ZNF618: variants seen among roughly 807,000 people sequenced by gnomAD.
ZNF618 encodes the protein zinc finger protein 618, also known as neural precursor cell expressed, developmentally down-regulated 10.
In ZNF618, 34 loss-of-function variants were observed where a neutral mutation model predicts 103.0. The observed-to-expected ratio is 0.33, with a 90% CI of 0.25 to 0.44. The LOEUF (loss-of-function observed/expected upper bound fraction) is 0.44, where lower values mean the gene tolerates loss of function less well. Ranked by LOEUF, ZNF618 falls within the 20% of genes least tolerant of loss-of-function variation. ZNF618 has a pLI of 1.00. For synonymous variants in ZNF618, 551 were observed against 542.2 expected (o/e 1.02, Z -0.23); for missense variants, 1,059 against 1,295.4 (o/e 0.82, Z 2.80).
At chr9:113,923,272 A>G (rs1588053055) in intron 1 of ZNF618, among the ~76,000 whole-genome samples, 1 of 152,158 alleles carries the variant, frequency 6.6e-6, no homozygotes. Context: ...TACAATCTGT[A>G]TACCTTTTAT....
At chr9:114,010,921 C>T (rs1299973403) in intron 9 of ZNF618, among the ~76,000 whole-genome samples, 5 of 152,148 alleles carry the variant, frequency 3.3e-5, no homozygotes, top group Admixed American at 1.3e-4. Context: ...TTGTCACCAG[C>T]TTACTAGCTC....
chr9:113,930,151 C>A (rs1833444638), intron 1 of ZNF618, among the ~76,000 whole-genome samples: 1 of 152,100 alleles, frequency 6.6e-6, no homozygotes, highest in South Asian at 2.1e-4. Flanking sequence ...GGTTCTGAAG[C>A]CAAAACATGG....
At chr9:113,916,238 A>G (rs1832067107) in intron 1 of ZNF618, among the ~76,000 whole-genome samples, 1 of 152,084 alleles carries the variant, frequency 6.6e-6, no homozygotes, top group Non-Finnish European at 1.5e-5. Context: ...AGAAAATATG[A>G]CCGTGTTATA....
At chr9:113,958,321 C>T (rs1447982041) in intron 1 of ZNF618, among the ~76,000 whole-genome samples, 2 of 152,168 alleles carry the variant, frequency 1.3e-5, no homozygotes, top group African/African-American at 2.4e-5. Flanking sequence ...CACATGGGGA[C>T]TGGTGACATC....
chr9:113,941,331 TGGGG>T (rs900314635), intron 1 of ZNF618, among the ~76,000 whole-genome samples: 3 of 152,204 alleles, frequency 2.0e-5, no homozygotes, highest in Non-Finnish European at 4.4e-5. Context: ...GCATTGTTTT[TGGGG>T]GTTATGTAAG....
At chr9:113,906,224 G>A (rs1328566419) in intron 1 of ZNF618, among the ~76,000 whole-genome samples, 2 of 152,098 alleles carry the variant, frequency 1.3e-5, no homozygotes, top group African/African-American at 2.4e-5. Flanking sequence ...TCAAGGCTGC[G>A]CTGTTTTATA....
intron 1 of ZNF618, among the ~76,000 whole-genome samples, chr9:113,946,149 C>T (rs994015013): frequency 1.3e-5 from 2 of 152,204 alleles, no homozygotes; most frequent in African/African-American, 4.8e-5. Flanking sequence ...ATGGTCTTGG[C>T]GCTCTGCGGA....
chr9:113,942,235 G>A (rs1034132356), intron 1 of ZNF618, among the ~76,000 whole-genome samples: 1 of 151,778 alleles, frequency 6.6e-6, no homozygotes, highest in African/African-American at 2.4e-5. Context: ...AGGTTTTTAG[G>A]TAATAGTTCT....
rs561570977 is a variant in ZNF618, at chr9:114,052,444, G to C, written c.*2277G>C. 6.6e-6 allele frequency: 1 copy of C among 152,662 alleles called. No individual in the cohort carries two copies. Among genetic ancestry groups the C allele is most frequent in the African/African-American group, 2.4e-5 (1 of 41,446 alleles). The allele number at this position is 152,662 out of a possible 1,614,324, so 9.5% of individuals were successfully genotyped here. A position where few individuals can be genotyped will look rare whatever the true frequency, so the allele number is the denominator to read the frequency against. ...AGAGCCGCCATCCACACTGGAGCAG[G>C]AACAGGGAGAAATCCAGACAGGAAC... On this transcript the variant is annotated 3_prime_UTR_variant, in exon 15 of 15. Coordinates refer to ENST00000374126, the MANE Select transcript of ZNF618 (RefSeq NM_001318042.2).
chr9:114,053,106 C>T lies in ZNF618; in HGVS notation c.*2939C>T, dbSNP rs1287620222. 6.6e-6 allele frequency: 1 copy of T among 152,584 alleles called. No homozygotes were observed. The highest frequency in any genetic ancestry group is 1.5e-5 in the Non-Finnish European group (1 of 68,054). The allele number at this position is 152,584 out of a possible 1,614,324, so 9.5% of individuals were successfully genotyped here. On this transcript the variant is annotated 3_prime_UTR_variant, in exon 15 of 15. Transcript: ENST00000374126. ...GGTGTCACCAACAGGAAAGGCTGTA[C>T]CAAGGTGCCCTCTTCTCAGACAGGC...
At chr9:114,032,323 C>T (rs1410676886) in intron 11 of ZNF618, among the ~76,000 whole-genome samples, 3 of 152,210 alleles carry the variant, frequency 2.0e-5, no homozygotes, top group Non-Finnish European at 4.4e-5. Context: ...GGTTGTGGCT[C>T]TCCAGGAGCC....
rs1842260737 is a variant in ZNF618 at position 114,011,692 on chromosome 9, G to A, written c.754+3138G>A. Among the ~76,000 whole-genome samples the A allele has an allele frequency of 2.0e-5, 3 of 152,250 alleles. No homozygotes were observed. The South Asian group carries it at 6.2e-4, about 32-fold the overall frequency. ...AAGTAAAGCTCTGTAGTCAGAGGAAGAAGAAACACCCTGGCAGGAGTGAGT... is the reference window on the plus strand; with the variant it reads ...AAGTAAAGCTCTGTAGTCAGAGGAAAAAGAAACACCCTGGCAGGAGTGAGT... On this transcript the variant is annotated intron_variant, in intron 9 of 14. Transcript: ENST00000374126.
Position 113,966,725 on chromosome 9 carries a change from A to G in ZNF618, c.34-2392A>G, listed in dbSNP as rs1018866815. 1.1e-4 allele frequency among the ~76,000 whole-genome samples: 17 copies of G among 152,302 alleles called. 1 individual carries two copies. The South Asian group carries it at 3.1e-3, about 28-fold the overall frequency. On this transcript the variant is annotated intron_variant, in intron 1 of 14. Transcript: ENST00000374126. Reference sequence around the variant, plus strand: ...ACATCTCCCACTGAATCCATTGTCCATCCATATTCCAATGAAGCAACTCTC... The same window carrying G: ...ACATCTCCCACTGAATCCATTGTCCGTCCATATTCCAATGAAGCAACTCTC...
intron 2 of ZNF618, among the ~76,000 whole-genome samples, chr9:113,980,523 C>G (rs1838877167): frequency 6.6e-6 from 1 of 151,970 alleles, no homozygotes; most frequent in African/African-American, 2.4e-5. Flanking sequence ...AGTTCAAGAC[C>G]AGCCTGGGCA....
Position 114,036,322 on chromosome 9 carries a change from TG to T in ZNF618, c.1194del (p.Ile399SerfsTer36). 1 of 1,581,280 alleles carries T rather than the reference TG, an allele frequency of 6.3e-7. No individual in the cohort carries two copies. Among genetic ancestry groups the T allele is most frequent in the Non-Finnish European group, 8.6e-7 (1 of 1,162,932 alleles). Reference protein sequence around the residue: ...SSEPYTCGACGIQFQFYNNLL... With the variant: ...SSEPYTCGACXIQFQFYNNLL... ...CAGAACCCTACACCTGCGGCGCCTGTGGGATCCAGTTCCAGTTCTACAACAA... is the reference window on the plus strand; with the variant it reads ...CAGAACCCTACACCTGCGGCGCCTGTGGATCCAGTTCCAGTTCTACAACAA... On this transcript the variant is annotated frameshift_variant, in exon 13 of 15. Transcript: ENST00000374126. LOFTEE classifies it high-confidence loss of function.
At chr9:113,943,593 T>A (rs1198914516) in intron 1 of ZNF618, among the ~76,000 whole-genome samples, 1 of 139,096 alleles carries the variant, frequency 7.2e-6, no homozygotes, top group Non-Finnish European at 1.5e-5. Flanking sequence ...GATCTTCTGA[T>A]TTTTTTTTTT....
At chr9:114,027,948 G>A (rs1843660725) in intron 10 of ZNF618, 1 of 152,226 alleles carries the variant, frequency 6.6e-6, no homozygotes, top group Non-Finnish European at 1.5e-5. Flanking sequence ...TCATGAGAAT[G>A]AGGCCAGGTT....
At chr9:113,968,946 C>T (rs1181562725) in intron 1 of ZNF618, among the ~76,000 whole-genome samples, 171 bp from the exon 2 acceptor site, 2 of 152,176 alleles carry the variant, frequency 1.3e-5, no homozygotes, top group African/African-American at 4.8e-5. Flanking sequence ...CTGACTCCCT[C>T]TTACCACTGG....
At chr9:114,045,688 C>T (rs958426516) in intron 13 of ZNF618, among the ~76,000 whole-genome samples, 1 of 151,944 alleles carries the variant, frequency 6.6e-6, no homozygotes, top group Non-Finnish European at 1.5e-5. Context: ...ATTGTTTTGG[C>T]TATTCTGTAT....
Sources: gnomAD v4.1 joint callset for allele counts (sites outside exome capture counted in the v4.1 genomes callset) on GRCh38, gnomAD v4.1.1 for gene constraint, MANE v1.5 for transcripts, NCBI Gene and HGNC (gene_info 2026-07-23, HGNC 2026-07-21) for gene names.